PCDH19: variants seen among roughly 807,000 people sequenced by gnomAD.
PCDH19 encodes protocadherin 19, also known as protocadherin-19.
PCDH19 carries 6 observed loss-of-function variants against 46.2 expected under a neutral mutation model. The ratio of observed to expected loss-of-function variants is 0.13; its 90% CI spans 0.07 to 0.26. PCDH19 has a LOEUF of 0.26. Ranked by LOEUF, PCDH19 falls within the 10% of genes least tolerant of loss-of-function variation. The pLI is 1.00. For missense variants in PCDH19, 740 were observed against 972.3 expected, an observed-to-expected ratio of 0.76 and a Z score of 3.18; for synonymous variants, 481 against 415.7, an observed-to-expected ratio of 1.16 and a Z score of -1.91.
At chrX:100,342,192 A>C in intron 4 of PCDH19, 117 bp from the exon 5 acceptor site, 1 of 627,117 alleles carries the variant, frequency 1.6e-6, no homozygotes, top group South Asian at 2.3e-5. Context: ...ACTGTCCAAT[A>C]GGGTAGGAAT....
chrX:100,365,290 G>A (rs1198805871), intron 3 of PCDH19, among the ~76,000 whole-genome samples: 1 of 111,110 alleles, frequency 9.0e-6, no homozygotes, highest in Non-Finnish European at 1.9e-5. Flanking sequence ...GGCAGAGTCA[G>A]AGCAAGAACC....
rs1313344836 is a variant in PCDH19 at position 100,296,240 on chromosome X, C to G, written c.*37G>C. 2.8e-6 allele frequency: 3 copies of G among 1,071,600 alleles called. No individual in the cohort carries two copies. The African/African-American group carries it at 5.5e-5, about 20-fold the overall frequency. The allele number at this position is 1,071,600 out of a possible 1,213,427, so 88.3% of individuals were successfully genotyped here. The stretch of plus-strand genomic sequence containing the variant: ...CAAGAAGCTCCTGCTTCTTCACTAG[C>G]CAGTGTGGTTTCTTTCTCTTCTTCC... On this transcript the variant is annotated 3_prime_UTR_variant, in exon 6 of 6. Transcript: ENST00000373034.
intron 4 of PCDH19, among the ~76,000 whole-genome samples, chrX:100,345,416 T>C (rs1423097889): frequency 9.0e-6 from 1 of 111,633 alleles, no homozygotes; most frequent in Non-Finnish European, 1.9e-5. Flanking sequence ...ATCCTTCCTT[T>C]AATGAATAAT....
chrX:100,369,860 C>T (rs1189657476), intron 3 of PCDH19, among the ~76,000 whole-genome samples: 1 of 112,092 alleles, frequency 8.9e-6, no homozygotes, highest in Non-Finnish European at 1.9e-5. Flanking sequence ...TTCAGAGGGA[C>T]TAATACCTCT....
intron 3 of PCDH19, among the ~76,000 whole-genome samples, chrX:100,374,735 C>G (rs1226203199): frequency 9.0e-6 from 1 of 111,100 alleles, no homozygotes; most frequent in Non-Finnish European, 1.9e-5. Flanking sequence ...GTCAGGAGAT[C>G]GAGACCATCC....
chrX:100,341,984 G>T lies in PCDH19; in HGVS notation c.2767C>A (p.Arg923=), dbSNP rs752763816. 2 of 1,207,571 alleles carry T rather than the reference G, an allele frequency of 1.7e-6. No homozygotes were observed. Among genetic ancestry groups the T allele is most frequent in the Non-Finnish European group, 2.2e-6 (2 of 891,785 alleles). The part of the protein sequence containing the change: ...DQTDSEHDVQ[R]SLYCDTAVND... ...ACAGCAGTATCACAATACAGGCTCC[G>T]CTGGACATCATGCTCACTGTCAGTT... The change falls in exon 5 of 6, where the codon CGG becomes AGG. Residue 923 remains arginine (R), a synonymous_variant. Coordinates refer to ENST00000373034, the MANE Select transcript of PCDH19 (RefSeq NM_001184880.2).
At chrX:100,337,010 T>C (rs1448950237) in intron 5 of PCDH19, among the ~76,000 whole-genome samples, 1 of 111,154 alleles carries the variant, frequency 9.0e-6, no homozygotes, top group South Asian at 3.9e-4. Context: ...CCCCACTACT[T>C]AGCTCAGAGA....
chrX:100,349,807 G>T (rs1054569389), intron 4 of PCDH19, among the ~76,000 whole-genome samples: 1 of 112,579 alleles, frequency 8.9e-6, no homozygotes, highest in African/African-American at 3.2e-5. Flanking sequence ...TGGTCTTTCT[G>T]TGCAAGAGGT....
chrX:100,309,839 A>T (rs1004732954), intron 5 of PCDH19, among the ~76,000 whole-genome samples: 3 of 112,609 alleles, frequency 2.7e-5, no homozygotes, highest in Non-Finnish European at 5.6e-5. Context: ...ACAAAACAGC[A>T]GAAATTCTGC....
chrX:100,314,253 C>T (rs1197366262), intron 5 of PCDH19, among the ~76,000 whole-genome samples: 2 of 111,619 alleles, frequency 1.8e-5, no homozygotes, highest in African/African-American at 6.5e-5. Context: ...TACTGTTCAA[C>T]AGACTGAAAA....
chrX:100,363,433 A>G (rs1473567309), intron 3 of PCDH19, among the ~76,000 whole-genome samples: 6 of 108,644 alleles, frequency 5.5e-5, no homozygotes, highest in African/African-American at 2.0e-4. Flanking sequence ...TCTTCTTACC[A>G]GGTCGTAAAC....
intron 3 of PCDH19, among the ~76,000 whole-genome samples, chrX:100,387,385 T>C (rs1199859325): frequency 4.5e-5 from 5 of 111,921 alleles, no homozygotes; most frequent in African/African-American, 1.3e-4. Context: ...CACCAAATCA[T>C]TGACTCCTTC....
chrX:100,358,264 C>T lies in PCDH19; in HGVS notation c.2617-7560G>A, dbSNP rs185416513. Among the ~76,000 whole-genome samples, 406 of 111,973 alleles carry T rather than the reference C, an allele frequency of 3.6e-3. 2 individuals carry two copies. Among genetic ancestry groups the T allele is most frequent in the African/African-American group, 0.013 (388 of 30,838 alleles). The stretch of plus-strand genomic sequence containing the variant: ...AGAATGTAGACCTCTGAGTCACAGA[C>T]GGACAGTGTGGCAGCTACTTTTCTA... On this transcript the variant is annotated intron_variant, in intron 3 of 5. Coordinates refer to ENST00000373034, the MANE Select transcript of PCDH19 (RefSeq NM_001184880.2).
intron 5 of PCDH19, among the ~76,000 whole-genome samples, chrX:100,336,324 C>G (rs1296578581): frequency 8.9e-6 from 1 of 112,084 alleles, no homozygotes; most frequent in Non-Finnish European, 1.9e-5. Flanking sequence ...GTCATGGAAT[C>G]ATAATTTCTT....
chrX:100,404,224 C>T (rs1286843342), intron 1 of PCDH19, among the ~76,000 whole-genome samples: 4 of 111,815 alleles, frequency 3.6e-5, no homozygotes, highest in Non-Finnish European at 1.9e-5. Context: ...CAAATTCTTG[C>T]TCTGTCCCCA....
intron 3 of PCDH19, among the ~76,000 whole-genome samples, chrX:100,383,469 A>G (rs750764462): frequency 8.9e-6 from 1 of 112,531 alleles, no homozygotes; most frequent in African/African-American, 3.2e-5. Flanking sequence ...TTGCCTGATT[A>G]GAAAATGTAA....
At chrX:100,380,816 C>T (rs1210585003) in intron 3 of PCDH19, among the ~76,000 whole-genome samples, 2 of 112,476 alleles carry the variant, frequency 1.8e-5, no homozygotes, top group East Asian at 5.6e-4. Context: ...CAACTTACCA[C>T]TGCAAGTGCT....
In PCDH19 at chrX:100,335,664, T is replaced by C. The variant is rs1278456547; in HGVS notation, c.2848+6239A>G. Among the ~76,000 whole-genome samples the C allele has an allele frequency of 5.4e-5, 6 of 111,865 alleles. No homozygotes were observed. In the Admixed American group the frequency reaches 5.7e-4, roughly 11 times the overall value. On this transcript the variant is annotated intron_variant, in intron 5 of 5. Transcript: ENST00000373034. ...CATCATTGAGCTGGCCTTGGTCACC[T>C]CAGTAAACCCCAGATTAATAAAAGT...
chrX:100,319,916 G>A, intron 5 of PCDH19, among the ~76,000 whole-genome samples: 1 of 112,180 alleles, frequency 8.9e-6, no homozygotes, highest in Non-Finnish European at 1.9e-5. Flanking sequence ...TTCAGTAAGG[G>A]AGAAGGAAGA....
Sources: gnomAD v4.1 joint callset for allele counts (sites outside exome capture counted in the v4.1 genomes callset) on GRCh38, gnomAD v4.1.1 for gene constraint, MANE v1.5 for transcripts, NCBI Gene and HGNC (gene_info 2026-07-23, HGNC 2026-07-21) for gene names.